PTPRK: variants seen among roughly 807,000 people sequenced by gnomAD.
PTPRK encodes protein tyrosine phosphatase receptor type K, also known as receptor-type tyrosine-protein phosphatase kappa.
A neutral mutation model predicts 178.0 loss-of-function variants in PTPRK; 75 were observed. That is an observed-to-expected ratio of 0.42 (90% CI 0.35 to 0.51). PTPRK has a LOEUF of 0.51. Ranked by LOEUF, PTPRK falls within the 20% of genes least tolerant of loss-of-function variation. The probability of loss-of-function intolerance (pLI) is 0.02; values close to 1 mark genes in which losing one functional copy is unlikely to be tolerated. For synonymous variants in PTPRK, 637 were observed against 620.6 expected, an observed-to-expected ratio of 1.03 and a Z score of -0.39; for missense variants, 1,441 against 1,797.8, an observed-to-expected ratio of 0.80 and a Z score of 3.59.
chr6:128,436,384 A>G (rs890533272), intron 1 of PTPRK, among the ~76,000 whole-genome samples: 2 of 152,214 alleles, frequency 1.3e-5, no homozygotes, highest in Non-Finnish European at 2.9e-5. Context: ...GCGGAGGAGG[A>G]ATATTCAGAG....
intron 1 of PTPRK, among the ~76,000 whole-genome samples, chr6:128,467,420 G>A (rs1330510178): frequency 6.6e-6 from 1 of 152,194 alleles, no homozygotes. Flanking sequence ...AATAGCAAAT[G>A]TTCACTTCCA....
chr6:128,100,775 G>A (rs1788645630), intron 7 of PTPRK, among the ~76,000 whole-genome samples: 1 of 151,924 alleles, frequency 6.6e-6, no homozygotes, highest in Admixed American at 6.6e-5. Flanking sequence ...TCAAAAGTAA[G>A]TGTTAGAGCA....
intron 1 of PTPRK, among the ~76,000 whole-genome samples, chr6:128,405,249 T>C (rs1426602854): frequency 1.3e-5 from 2 of 152,192 alleles, no homozygotes; most frequent in African/African-American, 4.8e-5. Context: ...CTTGGCAACC[T>C]TCCCTTTTCA....
Position 128,011,221 on chromosome 6 carries a change from G to A in PTPRK, c.2195-1953C>T, listed in dbSNP as rs144863144. ...TGATGTAGAAATCTCTAGAAAAAAA[G>A]CTTTAGTCCATGCAACAAATCATCA... On this transcript the variant is annotated intron_variant, in intron 13 of 29. Transcript: ENST00000368226. 1.7e-3 allele frequency among the ~76,000 whole-genome samples: 262 copies of A among 151,158 alleles called. 1 individual carries two copies. Among genetic ancestry groups the A allele is most frequent in the African/African-American group, 6.0e-3 (250 of 41,396 alleles).
At chr6:128,489,675 G>C in intron 1 of PTPRK, among the ~76,000 whole-genome samples, 1 of 152,136 alleles carries the variant, frequency 6.6e-6, no homozygotes, top group East Asian at 1.9e-4. Flanking sequence ...CACATTGTCT[G>C]TTCTTCATTT....
chr6:128,220,205 C>CTTATCACAAATAGTGAT (rs1810139452), intron 5 of PTPRK, among the ~76,000 whole-genome samples: 1 of 151,822 alleles, frequency 6.6e-6, no homozygotes, highest in South Asian at 2.1e-4. Context: ...AGTCATTTGT[C>CTTATCACAAATAGTGAT]AAGGAAATAC....
intron 3 of PTPRK, among the ~76,000 whole-genome samples, chr6:128,261,095 C>T (rs1818109349): frequency 6.6e-6 from 1 of 151,994 alleles, no homozygotes; most frequent in African/African-American, 2.4e-5. Flanking sequence ...CTATTTTACC[C>T]ATCCAAATTT....
chr6:128,520,412 G>A lies in PTPRK; in HGVS notation c.-54C>T, dbSNP rs1463056942. ...TTTGCAAAGAGCTGCCGGGGGGATC[G>A]CCGCGAAATCCACGACGGAGGAGCG... On this transcript the variant is annotated 5_prime_UTR_variant, in exon 1 of 30. Coordinates refer to ENST00000368226, the MANE Select transcript of PTPRK (RefSeq NM_002844.4). The A allele has an allele frequency of 1.3e-6, 2 of 1,526,998 alleles. No individual in the cohort carries two copies. Among genetic ancestry groups the A allele is most frequent in the Non-Finnish European group, 1.8e-6 (2 of 1,122,964 alleles). 94.6% of individuals were successfully genotyped at this position (1,526,998 alleles called of 1,614,324 possible). A position where few individuals can be genotyped will look rare whatever the true frequency, so the allele number is the denominator to read the frequency against.
At chr6:128,103,927 C>T (rs1277186716) in intron 7 of PTPRK, among the ~76,000 whole-genome samples, 1 of 152,116 alleles carries the variant, frequency 6.6e-6, no homozygotes, top group Admixed American at 6.5e-5. Flanking sequence ...GGTGTCTCCC[C>T]ACACCATCTC....
At chr6:128,146,422 TTATG>T (rs1463236675) in intron 7 of PTPRK, among the ~76,000 whole-genome samples, 18 of 144,390 alleles carry the variant, frequency 1.2e-4, no homozygotes, top group African/African-American at 4.8e-4. Context: ...GTGTGTGTGT[TTATG>T]TGTGTGTGTG....
rs184983908 is a variant in PTPRK at position 128,157,949 on chromosome 6, C to T, written c.1162+26483G>A. Among the ~76,000 whole-genome samples the T allele has an allele frequency of 1.4e-3, 216 of 152,106 alleles. 5 individuals are homozygous for T. The East Asian group carries it at 0.04, about 28-fold the overall frequency. The stretch of plus-strand genomic sequence containing the variant: ...GAAGCTCTTTAGTTTAATTAGATCC[C>T]ATTTGTCAATTTTGGCTTTTGTTGC... On this transcript the variant is annotated intron_variant, in intron 7 of 29. Coordinates refer to ENST00000368226, the MANE Select transcript of PTPRK (RefSeq NM_002844.4).
chr6:128,493,846 T>G (rs1854264761), intron 1 of PTPRK, among the ~76,000 whole-genome samples: 1 of 152,192 alleles, frequency 6.6e-6, no homozygotes, highest in Non-Finnish European at 1.5e-5. Context: ...TTTATCCAAC[T>G]TCTCCAGATA....
chr6:128,281,315 C>A (rs961709733), intron 3 of PTPRK, among the ~76,000 whole-genome samples: 1 of 152,150 alleles, frequency 6.6e-6, no homozygotes, highest in Non-Finnish European at 1.5e-5. Flanking sequence ...GTAAAGAAAA[C>A]AATTTTTAGG....
rs749987756 is a variant in PTPRK, at chr6:128,009,153, A to G, written c.2310T>C (p.Val770=). 4 of 1,608,730 alleles carry G rather than the reference A, an allele frequency of 2.5e-6. No homozygotes were observed. The Admixed American group carries it at 5.0e-5, about 20-fold the overall frequency. The change falls in exon 14 of 30, where the codon GTT becomes GTC. Residue 770 remains valine (V), a synonymous_variant. Transcript: ENST00000368226. ...ACCTCTTTTTTACAATTAATATGAC[A>G]ACTAGGAGAAGGAGGATGAACACCA... ...GILVFILLLL[V]VILIVKKSKL...
At chr6:128,434,608 G>A (rs542119422) in intron 1 of PTPRK, among the ~76,000 whole-genome samples, 11 of 152,016 alleles carry the variant, frequency 7.2e-5, no homozygotes, top group African/African-American at 9.6e-5. Context: ...GAGTGTGTCC[G>A]GCACTCAAAG....
chr6:127,985,060 A>T (rs1394919890), intron 22 of PTPRK, among the ~76,000 whole-genome samples: 1 of 152,062 alleles, frequency 6.6e-6, no homozygotes, highest in East Asian at 1.9e-4. Flanking sequence ...TCATTTAGGA[A>T]ACGCTTTTCA....
intron 1 of PTPRK, among the ~76,000 whole-genome samples, chr6:128,444,497 G>A (rs1043799244): frequency 2.6e-5 from 4 of 152,112 alleles, no homozygotes; most frequent in African/African-American, 9.7e-5. Flanking sequence ...TCAGAAGTAA[G>A]CCCAGTTATA....
chr6:128,338,390 C>G (rs1035632390), intron 2 of PTPRK, among the ~76,000 whole-genome samples: 1 of 152,130 alleles, frequency 6.6e-6, no homozygotes, highest in Non-Finnish European at 1.5e-5. Context: ...TTTCTTGTTA[C>G]TACACCCAAA....
chr6:128,441,156 T>C (rs1322374922), intron 1 of PTPRK, among the ~76,000 whole-genome samples: 1 of 152,226 alleles, frequency 6.6e-6, no homozygotes, highest in Non-Finnish European at 1.5e-5. Context: ...ATAAGGATTA[T>C]TAAGCCTCAT....
Sources: allele counts gnomAD v4.1 joint callset (sites outside exome capture counted in the v4.1 genomes callset), GRCh38; gene constraint gnomAD v4.1.1; transcripts MANE v1.5; gene names NCBI Gene and HGNC (gene_info 2026-07-23, HGNC 2026-07-21).